Variants in CSMD1 observed in about 807,000 individuals in gnomAD.
CSMD1 encodes the protein CUB and sushi domain-containing protein 1.
Under a neutral mutation model 417.5 loss-of-function variants are expected in CSMD1, and 213 were observed. That is an observed-to-expected ratio of 0.51 (90% CI 0.46 to 0.57). The LOEUF (loss-of-function observed/expected upper bound fraction) is 0.57, where lower values mean the gene tolerates loss of function less well. Ranked by LOEUF, CSMD1 falls within the 20% of genes least tolerant of loss-of-function variation. The probability of loss-of-function intolerance (pLI) is 0.00; values close to 1 mark genes in which losing one functional copy is unlikely to be tolerated. For missense variants in CSMD1, 6,923 were observed against 4,529.7 expected, an observed-to-expected ratio of 1.53 and a Z score of -15.17; for synonymous variants, 2,862 against 1,736.8, an observed-to-expected ratio of 1.65 and a Z score of -16.11.
At chr8:3,198,172 T>G (rs1371731724) in intron 33 of CSMD1, among the ~76,000 whole-genome samples, 1 of 152,214 alleles carries the variant, frequency 6.6e-6, no homozygotes, top group Non-Finnish European at 1.5e-5. Flanking sequence ...CATTTGCATA[T>G]AAGACACCAG....
chr8:3,786,761 C>T (rs1214435473), intron 5 of CSMD1, among the ~76,000 whole-genome samples: 1 of 152,150 alleles, frequency 6.6e-6, no homozygotes, highest in Non-Finnish European at 1.5e-5. Flanking sequence ...TTCTTTCAAG[C>T]TCACAGAGGG....
At chr8:3,504,307 G>A (rs1796733512) in intron 10 of CSMD1, among the ~76,000 whole-genome samples, 1 of 152,160 alleles carries the variant, frequency 6.6e-6, no homozygotes, top group Non-Finnish European at 1.5e-5. Context: ...GAGAGAGTCT[G>A]GGCTTTGCTG....
intron 2 of CSMD1, among the ~76,000 whole-genome samples, chr8:4,467,761 G>C (rs543072355): frequency 1.3e-5 from 2 of 152,126 alleles, no homozygotes; most frequent in Non-Finnish European, 2.9e-5. Context: ...AATATTTACC[G>C]TAGAAAGCAC....
At chr8:3,156,607 T>C (rs188544527) in intron 39 of CSMD1, among the ~76,000 whole-genome samples, 1 of 152,240 alleles carries the variant, frequency 6.6e-6, no homozygotes, top group African/African-American at 2.4e-5. Context: ...CTCTCTCCAG[T>C]GCAAAATTCA....
intron 3 of CSMD1, among the ~76,000 whole-genome samples, chr8:4,060,950 G>A (rs538245515): frequency 3.9e-5 from 6 of 152,190 alleles, no homozygotes; most frequent in Non-Finnish European, 8.8e-5. Flanking sequence ...GCTTCTCATT[G>A]AAAGTGTGGA....
At chr8:3,632,883 T>C (rs1365350880) in intron 7 of CSMD1, among the ~76,000 whole-genome samples, 1 of 152,220 alleles carries the variant, frequency 6.6e-6, no homozygotes, top group Non-Finnish European at 1.5e-5. Flanking sequence ...AAGGAAGTTC[T>C]CTGAGAATGG....
intron 5 of CSMD1, among the ~76,000 whole-genome samples, chr8:3,945,467 T>G (rs1811162239): frequency 6.6e-6 from 1 of 152,132 alleles, no homozygotes; most frequent in Admixed American, 6.6e-5. Flanking sequence ...TCAATTGTTT[T>G]CTTAGTTACT....
intron 3 of CSMD1, among the ~76,000 whole-genome samples, chr8:4,164,016 C>G (rs1251146595): frequency 2.0e-5 from 3 of 152,202 alleles, no homozygotes; most frequent in Non-Finnish European, 2.9e-5. Context: ...ATTAAATAAG[C>G]AGAGTAAGCT....
chr8:3,749,337 C>G (rs117419142), intron 6 of CSMD1, among the ~76,000 whole-genome samples: 2,285 of 152,260 alleles, frequency 0.015, 24 homozygotes, highest in South Asian at 0.028. Context: ...GCGTTTTCTA[C>G]TACTTTTGTT....
At chr8:3,570,696 G>A (rs1309276175) in intron 10 of CSMD1, among the ~76,000 whole-genome samples, 1 of 152,108 alleles carries the variant, frequency 6.6e-6, no homozygotes, top group Non-Finnish European at 1.5e-5. Flanking sequence ...TTTTTAGTTG[G>A]CTCTTCTGTT....
intron 2 of CSMD1, among the ~76,000 whole-genome samples, chr8:4,489,722 C>A (rs936783592): frequency 6.6e-6 from 1 of 152,184 alleles, no homozygotes; most frequent in African/African-American, 2.4e-5. Flanking sequence ...TGCTCACACC[C>A]TGGCTGGCAG....
intron 5 of CSMD1, among the ~76,000 whole-genome samples, chr8:3,808,868 G>A (rs537478139): frequency 2.1e-4 from 32 of 152,292 alleles, no homozygotes; most frequent in African/African-American, 7.2e-4. Flanking sequence ...AGGTCTCAAT[G>A]AGAATTCTGA....
chr8:3,783,919 C>CAG (rs1799313332), intron 5 of CSMD1, among the ~76,000 whole-genome samples: 1 of 76 alleles, frequency 0.013, no homozygotes, highest in African/African-American at 0.045. Flanking sequence ...AGCTGGGCTG[C>CAG]AGTTTGAATA....
chr8:4,130,982 A>T (rs1803067366), intron 3 of CSMD1, among the ~76,000 whole-genome samples: 1 of 152,172 alleles, frequency 6.6e-6, no homozygotes, highest in South Asian at 2.1e-4. Context: ...CTTTGGTCTT[A>T]AAAGTCTCTC....
chr8:4,402,123 C>G (rs562555864), intron 3 of CSMD1, among the ~76,000 whole-genome samples: 4 of 152,104 alleles, frequency 2.6e-5, no homozygotes, highest in Admixed American at 6.6e-5. Flanking sequence ...CTTCCATTCT[C>G]TTTCATTAAT....
intron 11 of CSMD1, among the ~76,000 whole-genome samples, chr8:3,480,083 G>A (rs543794606): frequency 6.6e-6 from 1 of 152,140 alleles, no homozygotes; most frequent in African/African-American, 2.4e-5. Context: ...AAGGGGCCGG[G>A]AGTGGTGACT....
At chr8:4,927,185 C>A (rs111355629) in intron 1 of CSMD1, among the ~76,000 whole-genome samples, 7,675 of 151,164 alleles carry the variant, frequency 0.051, 290 homozygotes, top group Non-Finnish European at 0.064. Context: ...CAGCTCAGGG[C>A]AATCTCCACC....
At chr8:3,915,770 T>G (rs978340536) in intron 5 of CSMD1, among the ~76,000 whole-genome samples, 2 of 149,716 alleles carry the variant, frequency 1.3e-5, no homozygotes, top group Admixed American at 6.8e-5. Flanking sequence ...CCATTGCATC[T>G]GTTCCTAAAA....
intron 1 of CSMD1, among the ~76,000 whole-genome samples, chr8:4,741,731 G>C (rs909054490): frequency 6.6e-6 from 1 of 152,102 alleles, no homozygotes; most frequent in Admixed American, 6.5e-5. Flanking sequence ...TGACATAGTA[G>C]CTTGTTAGAA....
Sources: gnomAD v4.1 joint callset for allele counts (sites outside exome capture counted in the v4.1 genomes callset) on GRCh38, gnomAD v4.1.1 for gene constraint, MANE v1.5 for transcripts, NCBI Gene and HGNC (gene_info 2026-07-23, HGNC 2026-07-21) for gene names.